Variants in CACNA1C observed in about 807,000 individuals in gnomAD.
CACNA1C encodes voltage-dependent L-type calcium channel subunit alpha-1C.
A neutral mutation model predicts 229.0 loss-of-function variants in CACNA1C; 30 were observed. The observed-to-expected ratio is 0.13, with a 90% CI of 0.10 to 0.18. The LOEUF (loss-of-function observed/expected upper bound fraction) is 0.18. Among genes scored for constraint, CACNA1C ranks in the 10% least tolerant of loss-of-function variants. The probability of loss-of-function intolerance (pLI) is 1.00; values close to 1 mark genes in which losing one functional copy is unlikely to be tolerated. For missense variants in CACNA1C, 1,658 were observed against 2,845.0 expected, an observed-to-expected ratio of 0.58 and a Z score of 9.49; for synonymous variants, 1,114 against 1,132.5, an observed-to-expected ratio of 0.98 and a Z score of 0.33.
chr12:2,410,812 C>T lies in CACNA1C; in HGVS notation c.478-38164C>T, dbSNP rs1043010905. ...CTGTGTGTGTATATGTGTGTGTGTGCGTGTGCATGTGCGTGTGTGTGTTTC... is the reference window on the plus strand; with the variant it reads ...CTGTGTGTGTATATGTGTGTGTGTGTGTGTGCATGTGCGTGTGTGTGTTTC... On this transcript the variant is annotated intron_variant, in intron 3 of 46. Coordinates refer to ENST00000399655, the MANE Select transcript of CACNA1C (RefSeq NM_000719.7). The surrounding 1 kb of genome is among the most constrained non-coding windows in gnomAD (Gnocchi z 5.3). 4.1e-5 allele frequency among the ~76,000 whole-genome samples: 6 copies of T among 145,280 alleles called. No individual in the cohort carries two copies. Among genetic ancestry groups the T allele is most frequent in the African/African-American group, 1.0e-4 (4 of 38,916 alleles).
chr12:2,028,398 T>C (rs1305019111), intron 1 of CACNA1C, among the ~76,000 whole-genome samples: 2 of 152,198 alleles, frequency 1.3e-5, no homozygotes, highest in African/African-American at 2.4e-5. Context: ...TCTCATTTTA[T>C]AGAGGAGGAT....
At chr12:1,970,872 T>G, upstream of CACNA1C, 1 of 299,512 alleles carries the variant, frequency 3.3e-6, no homozygotes, top group South Asian at 3.0e-5. Flanking sequence ...TTTTTTAGAA[T>G]TCTAAAACTT....
In CACNA1C at chr12:2,239,524, A is replaced by AGCTCTT. The variant is rs2068926073; in HGVS notation, c.477+119095_477+119100dup. Among the ~76,000 whole-genome samples, 9 of 152,212 alleles carry AGCTCTT rather than the reference A, an allele frequency of 5.9e-5. No individual in the cohort carries two copies. The South Asian group carries it at 1.9e-3, about 32-fold the overall frequency. On this transcript the variant is annotated intron_variant, in intron 3 of 46. Coordinates refer to ENST00000399655, the MANE Select transcript of CACNA1C (RefSeq NM_000719.7). ...TCTCTCCACCCAGCTGCTGGGTCTC[A>AGCTCTT]GCTCTTTTCCTGGGAAGCCCGGCGC...
chr12:2,302,687 AG>A (rs2154475323), intron 3 of CACNA1C, among the ~76,000 whole-genome samples: 1 of 152,286 alleles, frequency 6.6e-6, no homozygotes, highest in Non-Finnish European at 1.5e-5. Context: ...ATACATCAAT[AG>A]CTTATTCGCC....
chr12:2,210,520 G>A (rs2097887977), intron 3 of CACNA1C, among the ~76,000 whole-genome samples: 1 of 152,196 alleles, frequency 6.6e-6, no homozygotes, highest in South Asian at 2.1e-4. Flanking sequence ...TGAAGTCTGG[G>A]AAATTGGTGG....
At chr12:2,364,165 A>G (rs375368662) in intron 3 of CACNA1C, among the ~76,000 whole-genome samples, 1 of 152,304 alleles carries the variant, frequency 6.6e-6, no homozygotes, top group African/African-American at 2.4e-5. Flanking sequence ...GTGAAGGCCC[A>G]CACTCTCCTT....
intron 37 of CACNA1C, among the ~76,000 whole-genome samples, chr12:2,668,077 A>G (rs909436639): frequency 3.3e-5 from 5 of 152,232 alleles, no homozygotes; most frequent in South Asian, 2.1e-4. Flanking sequence ...GTCAATACAC[A>G]GAGAGGACAT....
chr12:2,514,616 G>A lies in CACNA1C; in HGVS notation c.1390+1632G>A, dbSNP rs564445585. Among the ~76,000 whole-genome samples the A allele has an allele frequency of 1.2e-4, 18 of 152,286 alleles. No individual in the cohort carries two copies. In the East Asian group the frequency reaches 3.3e-3, roughly 28 times the overall value. ...CGGAGAAGCCTACCTCTAAAATGCAGGAATTTGTATGCTGGCTCCTGGCTC... is the reference window on the plus strand; with the variant it reads ...CGGAGAAGCCTACCTCTAAAATGCAAGAATTTGTATGCTGGCTCCTGGCTC... On this transcript the variant is annotated intron_variant, in intron 9 of 46. Transcript: ENST00000399655.
chr12:2,056,339 C>T (rs2054861189), intron 1 of CACNA1C, among the ~76,000 whole-genome samples: 1 of 152,112 alleles, frequency 6.6e-6, no homozygotes, highest in Non-Finnish European at 1.5e-5. Flanking sequence ...GGGTGGCACA[C>T]TCAAGCCTTG....
intron 3 of CACNA1C, among the ~76,000 whole-genome samples, chr12:2,204,832 T>C (rs1184107072): frequency 2.2e-5 from 3 of 137,402 alleles, no homozygotes; most frequent in African/African-American, 7.9e-5. Flanking sequence ...TTGGGAGATA[T>C]ACCTAATGCT....
intron 1 of CACNA1C, among the ~76,000 whole-genome samples, chr12:2,065,915 A>T (rs2154520490): frequency 6.6e-6 from 1 of 152,216 alleles, no homozygotes; most frequent in East Asian, 1.9e-4. Context: ...AGAAAGTTGG[A>T]ATGGCAGGAA....
At chr12:2,660,037 G>A in intron 34 of CACNA1C, 1 of 168,192 alleles carries the variant, frequency 5.9e-6, no homozygotes, top group South Asian at 1.8e-4. Context: ...TATGGCCTCA[G>A]AAGTCGCTGG....
In CACNA1C at chr12:2,488,950, G is replaced by A. The variant is rs903534158; in HGVS notation, c.916+2688G>A. On this transcript the variant is annotated intron_variant, in intron 6 of 46. Transcript: ENST00000399655. This position sits in a 1 kb window ranked among gnomAD's most constrained non-coding sequence, Gnocchi z 4.0. ...TCAAGCCCTTGTCCACCCACAGAGTGGGCAGTGCAGACAAGGAGGGAAAAT... is the reference window on the plus strand; with the variant it reads ...TCAAGCCCTTGTCCACCCACAGAGTAGGCAGTGCAGACAAGGAGGGAAAAT... Among the ~76,000 whole-genome samples, 5 of 152,232 alleles carry A rather than the reference G, an allele frequency of 3.3e-5. No homozygotes were observed. Among genetic ancestry groups the A allele is most frequent in the Admixed American group, 2.6e-4 (4 of 15,292 alleles).
At chr12:2,540,104 C>T (rs1050130789) in intron 9 of CACNA1C, among the ~76,000 whole-genome samples, 2 of 152,182 alleles carry the variant, frequency 1.3e-5, no homozygotes, top group Non-Finnish European at 2.9e-5. Flanking sequence ...CGCCCCACCT[C>T]TCTCTCCTCG....
chr12:2,135,314 G>A lies in CACNA1C; in HGVS notation c.477+14884G>A, dbSNP rs1207450395. Among the ~76,000 whole-genome samples the A allele has an allele frequency of 1.7e-3, 251 of 145,968 alleles. 2 individuals are homozygous for A. Among genetic ancestry groups the A allele is most frequent in the Middle Eastern group, 0.014 (4 of 290 alleles). On this transcript the variant is annotated intron_variant, in intron 3 of 46. Coordinates refer to ENST00000399655, the MANE Select transcript of CACNA1C (RefSeq NM_000719.7). ...AGCCTTCTTCTCTCAGCTCGTCAAA[G>A]TCATTCTCCATCCAGCTTTGTTCTG...
chr12:2,468,299 G>A (rs995246129), intron 5 of CACNA1C, among the ~76,000 whole-genome samples: 2 of 152,202 alleles, frequency 1.3e-5, no homozygotes, highest in Non-Finnish European at 2.9e-5. Context: ...CTCCAGTCAC[G>A]AACTGGTCTC....
At chr12:2,093,495 G>A (rs969330563) in intron 1 of CACNA1C, among the ~76,000 whole-genome samples, 2 of 152,226 alleles carry the variant, frequency 1.3e-5, no homozygotes, top group Admixed American at 6.5e-5. Context: ...GATGGAAGTG[G>A]GTATGCTTTG....
chr12:2,122,939 T>C (rs1465137654), intron 3 of CACNA1C, among the ~76,000 whole-genome samples: 1 of 152,204 alleles, frequency 6.6e-6, no homozygotes, highest in Non-Finnish European at 1.5e-5. Flanking sequence ...TTAGTAGTTC[T>C]GGGGCATGGT....
At chr12:2,269,170 GA>G (rs2154415609) in intron 3 of CACNA1C, among the ~76,000 whole-genome samples, 1 of 152,338 alleles carries the variant, frequency 6.6e-6, no homozygotes, top group East Asian at 1.9e-4. Context: ...GAGCAATGAG[GA>G]AAATGACTTC....
Sources: gnomAD v4.1 joint callset for allele counts (sites outside exome capture counted in the v4.1 genomes callset) on GRCh38, gnomAD v4.1.1 for gene constraint, Gnocchi (gnomAD v3.1) non-coding constraint, MANE v1.5 for transcripts, NCBI Gene and HGNC (gene_info 2026-07-23, HGNC 2026-07-21) for gene names.